SORCS3: variants seen among roughly 807,000 people sequenced by gnomAD.
The protein encoded by SORCS3 is sortilin related VPS10 domain containing receptor 3.
SORCS3 carries 57 observed loss-of-function variants against 146.3 expected under a neutral mutation model. The observed-to-expected ratio is 0.39, with a 90% CI of 0.31 to 0.49. The LOEUF (loss-of-function observed/expected upper bound fraction) is 0.49, where lower values mean the gene tolerates loss of function less well. Ranked by LOEUF, SORCS3 falls within the 20% of genes least tolerant of loss-of-function variation. SORCS3 has a pLI of 0.92. For synonymous variants in SORCS3, 653 were observed against 618.5 expected (o/e 1.06, Z -0.83); for missense variants, 1,341 against 1,575.5 (o/e 0.85, Z 2.52).
At chr10:105,210,300 C>T (rs894199084) in intron 16 of SORCS3, among the ~76,000 whole-genome samples, 5 of 152,166 alleles carry the variant, frequency 3.3e-5, no homozygotes, top group African/African-American at 7.2e-5. Flanking sequence ...TTTGCCCCAT[C>T]GGTGGGTTTC....
intron 2 of SORCS3, among the ~76,000 whole-genome samples, chr10:104,898,088 G>A (rs2018817216): frequency 6.6e-6 from 1 of 152,170 alleles, no homozygotes; most frequent in African/African-American, 2.4e-5. Flanking sequence ...GAGAGCCAGT[G>A]TGGTATCTGA....
chr10:104,730,824 C>T (rs1215817066), intron 1 of SORCS3, among the ~76,000 whole-genome samples: 1 of 152,230 alleles, frequency 6.6e-6, no homozygotes, highest in African/African-American at 2.4e-5. Context: ...TGAGAACTCA[C>T]TCACTATTGC....
chr10:104,769,160 T>A (rs2017217773), intron 1 of SORCS3, among the ~76,000 whole-genome samples: 1 of 152,152 alleles, frequency 6.6e-6, no homozygotes, highest in Admixed American at 6.5e-5. Context: ...CAACATGTAG[T>A]GTGAGAAATG....
chr10:105,057,091 G>A (rs985901108), intron 5 of SORCS3, among the ~76,000 whole-genome samples: 17 of 152,286 alleles, frequency 1.1e-4, no homozygotes, highest in African/African-American at 3.8e-4. Context: ...AACCATGAGA[G>A]ATTATGTGGT....
At chr10:105,010,096 G>C (rs769236173) in intron 4 of SORCS3, among the ~76,000 whole-genome samples, 2 of 152,044 alleles carry the variant, frequency 1.3e-5, no homozygotes, top group Admixed American at 6.6e-5. Flanking sequence ...CAGGTTCAGG[G>C]GTGTGGCTCA....
At chr10:105,096,061 G>T (rs926112576) in intron 6 of SORCS3, among the ~76,000 whole-genome samples, 3 of 151,510 alleles carry the variant, frequency 2.0e-5, no homozygotes, top group African/African-American at 7.3e-5. Context: ...AGGTATAGAA[G>T]ACAAGTGGTC....
At chr10:105,116,914 C>G (rs758758055) in intron 7 of SORCS3, among the ~76,000 whole-genome samples, 2 of 152,030 alleles carry the variant, frequency 1.3e-5, no homozygotes, top group African/African-American at 2.4e-5. Flanking sequence ...GGAAGAGGAG[C>G]AGAAAACTAT....
At chr10:105,178,366 G>A (rs985000917) in intron 14 of SORCS3, among the ~76,000 whole-genome samples, 193 bp downstream of exon 14, 2 of 152,120 alleles carry the variant, frequency 1.3e-5, no homozygotes, top group African/African-American at 4.8e-5. Context: ...GGATTAGGGA[G>A]GCTAGGGTCC....
At chr10:105,008,399 A>G (rs1178440778) in intron 4 of SORCS3, among the ~76,000 whole-genome samples, 4 of 152,174 alleles carry the variant, frequency 2.6e-5, no homozygotes, top group Admixed American at 1.3e-4. Flanking sequence ...GACCAAGGAA[A>G]TATATTCAAA....
intron 1 of SORCS3, among the ~76,000 whole-genome samples, chr10:104,710,110 A>G (rs1219040286): frequency 6.6e-6 from 1 of 152,100 alleles, no homozygotes; most frequent in Non-Finnish European, 1.5e-5. Flanking sequence ...CAACTCTTTA[A>G]CATTCTAATC....
chr10:104,670,690 A>C (rs1237808275), intron 1 of SORCS3, among the ~76,000 whole-genome samples: 2 of 152,162 alleles, frequency 1.3e-5, no homozygotes, highest in Non-Finnish European at 2.9e-5. Flanking sequence ...TATGAATTTT[A>C]GGATGGGCCT....
chr10:104,899,912 A>G (rs764078359), intron 2 of SORCS3, among the ~76,000 whole-genome samples: 2 of 152,010 alleles, frequency 1.3e-5, no homozygotes, highest in Non-Finnish European at 2.9e-5. Context: ...AGGATGGCCA[A>G]TGCCTAGCTG....
intron 25 of SORCS3, among the ~76,000 whole-genome samples, chr10:105,257,371 G>A (rs1403659426): frequency 6.6e-6 from 1 of 152,024 alleles, no homozygotes; most frequent in Admixed American, 6.5e-5. Context: ...CAGCTATTCA[G>A]CATCTCTCTT....
intron 4 of SORCS3, among the ~76,000 whole-genome samples, chr10:105,031,360 C>A (rs893006642): frequency 2.5e-4 from 37 of 145,784 alleles, no homozygotes; most frequent in African/African-American, 8.5e-4. Context: ...CACACACACA[C>A]ACAAAAACAT....
intron 4 of SORCS3, among the ~76,000 whole-genome samples, chr10:105,010,561 T>C (rs1241629705): frequency 6.6e-6 from 1 of 152,196 alleles, no homozygotes; most frequent in Non-Finnish European, 1.5e-5. Context: ...TAATAAGTGA[T>C]TTTCCACTGC....
At chr10:105,209,159 G>C (rs1413684798) in intron 16 of SORCS3, among the ~76,000 whole-genome samples, 3 of 151,004 alleles carry the variant, frequency 2.0e-5, no homozygotes, top group Non-Finnish European at 4.4e-5. Flanking sequence ...TTTTTCTTTT[G>C]AGACGGAGTT....
At chr10:104,977,642 A>C (rs1383709266) in intron 4 of SORCS3, 149 bp downstream of exon 4, 4 of 703,494 alleles carry the variant, frequency 5.7e-6, no homozygotes, top group Non-Finnish European at 8.7e-6. Flanking sequence ...TGTCTGCAGC[A>C]ACTAACTTTC....
intron 7 of SORCS3, among the ~76,000 whole-genome samples, chr10:105,138,620 G>C (rs1291242338): frequency 6.6e-6 from 1 of 152,234 alleles, no homozygotes; most frequent in Non-Finnish European, 1.5e-5. Flanking sequence ...CATCTGCAGA[G>C]CCGTGCCATG....
Position 105,064,545 on chromosome 10 carries a change from G to A in SORCS3, c.1028+21417G>A, listed in dbSNP as rs74621151. ...CAAGTCCAACAGTCTCAGAATCAGTGAAGCTGAGGGTATGAATCTCAGTCT... is the reference window on the plus strand; with the variant it reads ...CAAGTCCAACAGTCTCAGAATCAGTAAAGCTGAGGGTATGAATCTCAGTCT... On this transcript the variant is annotated intron_variant, in intron 5 of 26. Transcript: ENST00000369701. 9.3e-3 allele frequency among the ~76,000 whole-genome samples: 1,414 copies of A among 152,328 alleles called. 18 individuals are homozygous for A. Among genetic ancestry groups the A allele is most frequent in the African/African-American group, 0.032 (1,321 of 41,560 alleles).
Sources: allele counts gnomAD v4.1 joint callset (sites outside exome capture counted in the v4.1 genomes callset), GRCh38; gene constraint gnomAD v4.1.1; transcripts MANE v1.5; gene names NCBI Gene and HGNC (gene_info 2026-07-23, HGNC 2026-07-21).